The following ADAMTS12 variants were observed in gnomAD, a reference collection of about 807,000 sequenced individuals.
The protein encoded by ADAMTS12 is ADAM metallopeptidase with thrombospondin type 1 motif 12, also known as A disintegrin and metalloproteinase with thrombospondin motifs 12.
Under a neutral mutation model 167.8 loss-of-function variants are expected in ADAMTS12, and 118 were observed. The observed-to-expected ratio is 0.70, with a 90% confidence interval of 0.61 to 0.82. ADAMTS12 has a LOEUF of 0.82. ADAMTS12 is among the 40% of genes least tolerant of loss of function. The pLI is 0.00. For synonymous variants in ADAMTS12, 704 were observed against 716.9 expected (o/e 0.98, Z 0.29); for missense variants, 1,916 against 1,998.8 (o/e 0.96, Z 0.79).
At chr5:33,680,474 G>T (rs1007727894) in intron 5 of ADAMTS12, among the ~76,000 whole-genome samples, 2 of 150,458 alleles carry the variant, frequency 1.3e-5, no homozygotes, top group African/African-American at 4.9e-5. Context: ...TCAAACCCAG[G>T]ATTTTTCCTT....
chr5:33,572,108 A>T (rs2111940842), intron 19 of ADAMTS12, among the ~76,000 whole-genome samples: 1 of 152,304 alleles, frequency 6.6e-6, no homozygotes, highest in East Asian at 1.9e-4. Context: ...AATAATCAAT[A>T]GCTTACCAAC....
chr5:33,787,674 T>C (rs1267811594), intron 2 of ADAMTS12, among the ~76,000 whole-genome samples: 1 of 152,166 alleles, frequency 6.6e-6, no homozygotes, highest in Non-Finnish European at 1.5e-5. Flanking sequence ...CAGGCCATTT[T>C]TAAAAAGGCC....
intron 9 of ADAMTS12, among the ~76,000 whole-genome samples, chr5:33,646,378 A>G (rs1740663945): frequency 6.6e-6 from 1 of 152,146 alleles, no homozygotes; most frequent in African/African-American, 2.4e-5. Context: ...GATACTGGAG[A>G]CAATGTGTAG....
intron 2 of ADAMTS12, 72 bp from the exon 3 acceptor site, chr5:33,751,620 T>C (rs896225957): frequency 2.0e-6 from 3 of 1,471,130 alleles, no homozygotes; most frequent in African/African-American, 1.4e-5. Context: ...AGTGAAAAAT[T>C]ATATAGCTTA....
At chr5:33,560,354 G>A (rs1579665881) in intron 20 of ADAMTS12, among the ~76,000 whole-genome samples, 1 of 152,222 alleles carries the variant, frequency 6.6e-6, no homozygotes, top group South Asian at 2.1e-4. Flanking sequence ...CATTGTGGAA[G>A]TCAGTGTGGC....
intron 22 of ADAMTS12, among the ~76,000 whole-genome samples, chr5:33,544,167 C>T (rs919439305): frequency 3.3e-5 from 5 of 152,174 alleles, no homozygotes; most frequent in Non-Finnish European, 7.3e-5. Context: ...AGGAAAGCCT[C>T]AGGATACAGA....
At chr5:33,743,710 TCCATCCAA>T (rs1744682981) in intron 3 of ADAMTS12, among the ~76,000 whole-genome samples, 2 of 152,206 alleles carry the variant, frequency 1.3e-5, no homozygotes, top group African/African-American at 4.8e-5. Flanking sequence ...CATCTATTCA[TCCATCCAA>T]CCATCCATCC....
chr5:33,872,855 A>T (rs1750091189), intron 2 of ADAMTS12, among the ~76,000 whole-genome samples: 1 of 152,242 alleles, frequency 6.6e-6, no homozygotes, highest in Non-Finnish European at 1.5e-5. Context: ...TTACATGATC[A>T]TACCTATAGA....
intron 16 of ADAMTS12, among the ~76,000 whole-genome samples, chr5:33,612,016 A>G (rs1579745422): frequency 6.6e-6 from 1 of 152,372 alleles, no homozygotes; most frequent in East Asian, 1.9e-4. Flanking sequence ...TAAAATAAAA[A>G]TCCATCACTG....
chr5:33,595,525 C>T (rs1747878937), intron 17 of ADAMTS12, among the ~76,000 whole-genome samples: 1 of 152,236 alleles, frequency 6.6e-6, no homozygotes, highest in Non-Finnish European at 1.5e-5. Flanking sequence ...TGAGCCCCCT[C>T]TTCTGGACAG....
At chr5:33,583,142 C>T (rs915309534) in intron 18 of ADAMTS12, among the ~76,000 whole-genome samples, 4 of 152,118 alleles carry the variant, frequency 2.6e-5, no homozygotes, top group South Asian at 2.1e-4. Context: ...TGCAAACTCT[C>T]GCTACTGTTT....
chr5:33,625,303 T>TA (rs397944314), intron 13 of ADAMTS12, among the ~76,000 whole-genome samples: 5,019 of 146,642 alleles, frequency 0.034, 282 homozygotes, highest in African/African-American at 0.12. Flanking sequence ...CTAAGAGATT[T>TA]AAAAAAAAAA....
chr5:33,877,021 C>T (rs1232969298), intron 2 of ADAMTS12, among the ~76,000 whole-genome samples: 1 of 152,138 alleles, frequency 6.6e-6, no homozygotes, highest in Non-Finnish European at 1.5e-5. Flanking sequence ...TCTCAATTCA[C>T]CCAAAGAGAA....
chr5:33,865,919 T>C (rs1314604596), intron 2 of ADAMTS12, among the ~76,000 whole-genome samples: 2 of 152,108 alleles, frequency 1.3e-5, no homozygotes. Context: ...AAAAGAGCTC[T>C]ACAAGGAGAA....
At chr5:33,760,489 G>A (rs1211702134) in intron 2 of ADAMTS12, among the ~76,000 whole-genome samples, 1 of 152,110 alleles carries the variant, frequency 6.6e-6, no homozygotes, top group African/African-American at 2.4e-5. Context: ...GAAGAAAATG[G>A]GCATTCTGAA....
chr5:33,863,952 A>C (rs1011263734), intron 2 of ADAMTS12, among the ~76,000 whole-genome samples: 10 of 152,142 alleles, frequency 6.6e-5, no homozygotes, highest in Non-Finnish European at 1.5e-5. Flanking sequence ...CAAGCAATGG[A>C]GAAAGGATTC....
chr5:33,601,582 T>C (rs1199716898), intron 16 of ADAMTS12, among the ~76,000 whole-genome samples: 1 of 152,238 alleles, frequency 6.6e-6, no homozygotes, highest in African/African-American at 2.4e-5. Context: ...TTCATACTTC[T>C]GTGATGTAAA....
chr5:33,875,420 T>C (rs1031695825), intron 2 of ADAMTS12, among the ~76,000 whole-genome samples: 7 of 152,242 alleles, frequency 4.6e-5, no homozygotes, highest in Admixed American at 3.3e-4. Context: ...GCTATGTATA[T>C]ATGGGAGCAG....
intron 11 of ADAMTS12, among the ~76,000 whole-genome samples, chr5:33,640,014 G>A (rs1740380594): frequency 6.6e-6 from 1 of 152,168 alleles, no homozygotes; most frequent in Non-Finnish European, 1.5e-5. Context: ...GACACTCTAT[G>A]ACCTGGTATG....
Sources: gnomAD v4.1 joint callset for allele counts (sites outside exome capture counted in the v4.1 genomes callset) on GRCh38, gnomAD v4.1.1 for gene constraint, MANE v1.5 for transcripts, NCBI Gene and HGNC (gene_info 2026-07-23, HGNC 2026-07-21) for gene names.